TRABD2B: variants seen among roughly 807,000 people sequenced by gnomAD.
The protein encoded by TRABD2B is TraB domain containing 2B.
TRABD2B carries 14 observed loss-of-function variants against 40.1 expected under a neutral mutation model. The ratio of observed to expected loss-of-function variants is 0.35; its 90% CI spans 0.23 to 0.55. The LOEUF is 0.55. TRABD2B is among the 20% of genes least tolerant of loss of function. TRABD2B has a pLI of 0.90. For missense variants in TRABD2B, 541 were observed against 648.6 expected (o/e 0.83, Z 1.80); for synonymous variants, 263 against 277.0 (o/e 0.95, Z 0.50).
chr1:47,989,541 G>T lies in TRABD2B; in HGVS notation c.666+4493C>A, dbSNP rs145807922. Among the ~76,000 whole-genome samples, 441 of 152,044 alleles carry T rather than the reference G, an allele frequency of 2.9e-3. 1 individual carries two copies. The highest frequency in any genetic ancestry group is 9.3e-3 in the African/African-American group (385 of 41,458). On this transcript the variant is annotated intron_variant, in intron 2 of 6. Transcript: ENST00000606738. ...TGTGCAGGCTTAGCCTATATTGGGGGGTGTGTGTGTGTATGTCTTCACAGC... is the reference window on the plus strand; with the variant it reads ...TGTGCAGGCTTAGCCTATATTGGGGTGTGTGTGTGTGTATGTCTTCACAGC...
At chr1:47,991,651 A>G (rs1411735192) in intron 2 of TRABD2B, among the ~76,000 whole-genome samples, 1 of 152,212 alleles carries the variant, frequency 6.6e-6, no homozygotes, top group Admixed American at 6.5e-5. Flanking sequence ...TAAAAACAAC[A>G]TTAATACTAA....
chr1:47,986,789 C>G (rs1645924732), intron 2 of TRABD2B, among the ~76,000 whole-genome samples: 1 of 152,134 alleles, frequency 6.6e-6, no homozygotes, highest in Non-Finnish European at 1.5e-5. Flanking sequence ...GTTTTGTGTT[C>G]CAGCGGATAT....
At chr1:47,909,813 T>TCCC (rs1557651487) in intron 2 of TRABD2B, among the ~76,000 whole-genome samples, 1 of 4,364 alleles carries the variant, frequency 2.3e-4, no homozygotes, top group Non-Finnish European at 3.9e-4. Context: ...CCTCCCTTCC[T>TCCC]TCCTTCCTTC....
chr1:47,925,372 T>C (rs80016971), intron 2 of TRABD2B, among the ~76,000 whole-genome samples: 3,564 of 152,224 alleles, frequency 0.023, 106 homozygotes, highest in Admixed American at 0.09. Flanking sequence ...TGAAAGAAGA[T>C]TTTTTTTATT....
intron 2 of TRABD2B, among the ~76,000 whole-genome samples, chr1:47,978,273 G>C (rs1645788377): frequency 6.6e-6 from 1 of 152,190 alleles, no homozygotes; most frequent in African/African-American, 2.4e-5. Flanking sequence ...ACCAGACACT[G>C]AATCTACTAG....
intron 2 of TRABD2B, among the ~76,000 whole-genome samples, chr1:47,879,240 A>C (rs1335500822): frequency 2.0e-5 from 3 of 152,264 alleles, no homozygotes; most frequent in Non-Finnish European, 4.4e-5. Flanking sequence ...ATAAATATAT[A>C]ATCAGGTGCC....
chr1:47,912,861 G>C (rs1358051575), intron 2 of TRABD2B, among the ~76,000 whole-genome samples: 1 of 152,124 alleles, frequency 6.6e-6, no homozygotes, highest in East Asian at 1.9e-4. Context: ...CCATCTCCAG[G>C]GCATGGGGGA....
At chr1:47,898,888 C>G (rs1312837937) in intron 2 of TRABD2B, among the ~76,000 whole-genome samples, 2 of 152,232 alleles carry the variant, frequency 1.3e-5, no homozygotes, top group Non-Finnish European at 2.9e-5. Flanking sequence ...GAGATCTACT[C>G]TACTCAGCTG....
chr1:47,804,983 C>G (rs1356895788), intron 2 of TRABD2B, among the ~76,000 whole-genome samples: 1 of 152,194 alleles, frequency 6.6e-6, no homozygotes, highest in African/African-American at 2.4e-5. Flanking sequence ...TGCACCAAGG[C>G]CCTTCTGTGG....
chr1:47,972,371 C>A (rs945536426), intron 2 of TRABD2B, among the ~76,000 whole-genome samples: 3 of 151,442 alleles, frequency 2.0e-5, no homozygotes, highest in African/African-American at 7.3e-5. Flanking sequence ...TGTTTGTGTC[C>A]CCTTAGCCTC....
intron 2 of TRABD2B, among the ~76,000 whole-genome samples, chr1:47,978,230 T>A (rs1645787348): frequency 6.6e-6 from 1 of 152,130 alleles, no homozygotes. Context: ...CACAGAGACA[T>A]GGCACCATCC....
intron 2 of TRABD2B, among the ~76,000 whole-genome samples, chr1:47,909,810 T>TCCCTC (rs1644736753): frequency 3.7e-5 from 1 of 27,044 alleles, no homozygotes; most frequent in Non-Finnish European, 7.0e-5. Context: ...CTTCCTCCCT[T>TCCCTC]CCTTCCTTCC....
chr1:47,861,603 A>C (rs1643972793), intron 2 of TRABD2B, among the ~76,000 whole-genome samples: 1 of 152,228 alleles, frequency 6.6e-6, no homozygotes, highest in African/African-American at 2.4e-5. Context: ...ATTTCTACTA[A>C]AGAAATTGGA....
chr1:47,923,142 AG>A (rs1644923572), intron 2 of TRABD2B, among the ~76,000 whole-genome samples: 1 of 152,180 alleles, frequency 6.6e-6, no homozygotes, highest in South Asian at 2.1e-4. Context: ...CAACCTGCTC[AG>A]CCTTCAGGTT....
chr1:47,946,935 GT>G (rs34820685), intron 2 of TRABD2B, among the ~76,000 whole-genome samples: 65,574 of 148,566 alleles, frequency 0.44, 14,422 homozygotes, highest in East Asian at 0.61. Context: ...GTAAGACTAG[GT>G]TTTTTTTTTT....
At chr1:47,775,512 A>G in intron 5 of TRABD2B, 73 bp from the exon 6 acceptor site, 2 of 1,219,220 alleles carry the variant, frequency 1.6e-6, no homozygotes, top group Non-Finnish European at 2.1e-6. Context: ...AATACAGTCC[A>G]ATTCAGTGGG....
At chr1:47,993,356 C>G (rs924296814) in intron 2 of TRABD2B, among the ~76,000 whole-genome samples, 7 of 152,180 alleles carry the variant, frequency 4.6e-5, no homozygotes, top group Admixed American at 4.6e-4. Flanking sequence ...ACCTCTTAAG[C>G]CCCTCCCTTC....
chr1:47,857,648 C>T (rs1643907200), intron 2 of TRABD2B, among the ~76,000 whole-genome samples: 1 of 152,136 alleles, frequency 6.6e-6, no homozygotes, highest in Non-Finnish European at 1.5e-5. Context: ...TTTCCCAGGG[C>T]CCTGCCCAGG....
In TRABD2B at chr1:47,852,433, G is replaced by C. The variant is rs151041102; in HGVS notation, c.667-50814C>G. Among the ~76,000 whole-genome samples the C allele has an allele frequency of 1.5e-3, 221 of 152,230 alleles. 3 individuals carry two copies. The highest frequency in any genetic ancestry group is 5.1e-3 in the African/African-American group (213 of 41,516). ...GACCCACTATGGGATTCATTTTCACGATCCCCTTTCAATGATGTGAGCCCG... is the reference window on the plus strand; with the variant it reads ...GACCCACTATGGGATTCATTTTCACCATCCCCTTTCAATGATGTGAGCCCG... On this transcript the variant is annotated intron_variant, in intron 2 of 6. Transcript: ENST00000606738.
Sources: gnomAD v4.1 joint callset for allele counts (sites outside exome capture counted in the v4.1 genomes callset) on GRCh38, gnomAD v4.1.1 for gene constraint, MANE v1.5 for transcripts, NCBI Gene and HGNC (gene_info 2026-07-23, HGNC 2026-07-21) for gene names.